The following GNB5 variants were observed in gnomAD, a reference collection of about 807,000 sequenced individuals.
GNB5 encodes the protein guanine nucleotide-binding protein subunit beta-5.
In GNB5, 37 loss-of-function variants were observed where a neutral mutation model predicts 55.3. The observed-to-expected ratio is 0.67, with a 90% confidence interval of 0.51 to 0.88. GNB5 has a LOEUF of 0.88. Ranked by LOEUF, GNB5 falls within the 40% of genes least tolerant of loss-of-function variation. The pLI, the probability that GNB5 is intolerant of heterozygous loss-of-function variation, is 0.00. For missense variants in GNB5, 476 were observed against 515.3 expected (o/e 0.92, Z 0.74); for synonymous variants, 219 against 198.5 (o/e 1.10, Z -0.87).
At chr15:52,163,124 T>G (rs77714403) in intron 3 of GNB5, among the ~76,000 whole-genome samples, 2 of 152,186 alleles carry the variant, frequency 1.3e-5, no homozygotes, top group East Asian at 3.9e-4. Flanking sequence ...CGGTGAGTGA[T>G]TGTGAGACCA....
chr15:52,162,246 T>C (rs904934901), intron 3 of GNB5, among the ~76,000 whole-genome samples: 1 of 152,234 alleles, frequency 6.6e-6, no homozygotes, highest in Non-Finnish European at 1.5e-5. Flanking sequence ...CTTGGAAATA[T>C]AATTCTGGCA....
rs562872946 is a variant in GNB5, at chr15:52,155,089, C to T, written c.239-1013G>A. Among the ~76,000 whole-genome samples, 16 of 152,352 alleles carry T rather than the reference C, an allele frequency of 1.1e-4. 1 individual carries two copies. In the East Asian group the frequency reaches 2.7e-3, roughly 26 times the overall value. ...GATCCCATGGCCACTCTCCACTTCC[C>T]TCTCTTGTTGGTAGCTATGTGAGAA... On this transcript the variant is annotated intron_variant, in intron 3 of 12. Coordinates refer to ENST00000261837, the MANE Select transcript of GNB5 (RefSeq NM_016194.4).
At position 52,118,190 on chromosome 15, in the gene GNB5, C is replaced by T. The variant is rs1031743122; in HGVS notation, c.*4567G>A. The T allele has an allele frequency of 6.6e-6, 1 of 152,354 alleles. No individual in the cohort carries two copies. Among genetic ancestry groups the T allele is most frequent in the African/African-American group, 2.4e-5 (1 of 41,454 alleles). The allele number at this position is 152,354 out of a possible 1,614,324, so 9.4% of individuals were successfully genotyped here. A position where few individuals can be genotyped will look rare whatever the true frequency, so the allele number is the denominator to read the frequency against. On this transcript the variant is annotated 3_prime_UTR_variant, in exon 13 of 13. Transcript: ENST00000261837. ...TCCTGTCACCTCTTTCTTTGCCAAG[C>T]TCTTCCAAGGCCCTTAGTGGTTTCT...
chr15:52,161,037 G>C (rs2141222370), intron 3 of GNB5, among the ~76,000 whole-genome samples: 1 of 152,238 alleles, frequency 6.6e-6, no homozygotes, highest in East Asian at 1.9e-4. Flanking sequence ...GTGTCTCCTG[G>C]GTGACGGGCA....
chr15:52,142,392 T>C (rs2033875535), intron 6 of GNB5, among the ~76,000 whole-genome samples: 1 of 152,222 alleles, frequency 6.6e-6, no homozygotes, highest in South Asian at 2.1e-4. Context: ...GATAATGTCT[T>C]CCGTATTTAT....
At chr15:52,167,676 AAAAAAAGAAAAG>A (rs1389760151) in intron 3 of GNB5, among the ~76,000 whole-genome samples, 6 of 152,118 alleles carry the variant, frequency 3.9e-5, no homozygotes, top group African/African-American at 1.4e-4. Flanking sequence ...CATTTCAAAA[AAAAAAAGAAAAG>A]AAAAAAGAAA....
chr15:52,117,750 C>G lies in GNB5; in HGVS notation c.*5007G>C, dbSNP rs1012546493. 1 of 152,516 alleles carries G rather than the reference C, an allele frequency of 6.6e-6. No individual in the cohort carries two copies. The highest frequency in any genetic ancestry group is 6.5e-5 in the Admixed American group (1 of 15,312). The allele number at this position is 152,516 out of a possible 1,614,324, so 9.4% of individuals were successfully genotyped here. On this transcript the variant is annotated 3_prime_UTR_variant, in exon 13 of 13. Coordinates refer to ENST00000261837, the MANE Select transcript of GNB5 (RefSeq NM_016194.4). ...CATGGCAATCCTTACAAAGGATCCA[C>G]AGAGACAAGATTCACTCGCGGCCTC... is the stretch of plus-strand genomic sequence containing the variant.
chr15:52,186,119 AAAAT>A (rs2034842631), intron 1 of GNB5, among the ~76,000 whole-genome samples: 1 of 152,180 alleles, frequency 6.6e-6, no homozygotes, highest in African/African-American at 2.4e-5. Context: ...AAGTAGCTAA[AAAAT>A]AACCTAATAA....
At chr15:52,126,613 T>C (rs2033437719) in intron 10 of GNB5, among the ~76,000 whole-genome samples, 1 of 152,078 alleles carries the variant, frequency 6.6e-6, no homozygotes, top group Non-Finnish European at 1.5e-5. Flanking sequence ...CCAAACCCTG[T>C]TGTTTTGGTT....
chr15:52,191,022 G>A (rs188095498), intron 1 of GNB5, among the ~76,000 whole-genome samples: 1 of 152,136 alleles, frequency 6.6e-6, no homozygotes, highest in East Asian at 1.9e-4. Flanking sequence ...GTGTCACCTG[G>A]ATCAAATTTT....
intron 9 of GNB5, among the ~76,000 whole-genome samples, chr15:52,131,550 T>C (rs970139686): frequency 6.6e-6 from 1 of 152,210 alleles, no homozygotes; most frequent in Non-Finnish European, 1.5e-5. Context: ...ACACAGGGGC[T>C]TATTTTTGTG....
In GNB5 at chr15:52,117,224, CCA is replaced by C. The variant is rs1319381489; in HGVS notation, c.*5531_*5532del. The stretch of plus-strand genomic sequence containing the variant: ...GGATTACAGGCGTGAGCCACCGCGC[CCA>C]GTCACCTTTGTTTTTCTTTACCTCC... On this transcript the variant is annotated 3_prime_UTR_variant, in exon 13 of 13. Coordinates refer to ENST00000261837, the MANE Select transcript of GNB5 (RefSeq NM_016194.4). 3 of 151,376 alleles carry C rather than the reference CCA, an allele frequency of 2.0e-5. No homozygotes were observed. Among genetic ancestry groups the C allele is most frequent in the South Asian group, 4.2e-4 (2 of 4,758 alleles). The allele number at this position is 151,376 out of a possible 1,614,324, so 9.4% of individuals were successfully genotyped here. A position where few individuals can be genotyped will look rare whatever the true frequency, so the allele number is the denominator to read the frequency against.
Position 52,191,357 on chromosome 15 carries a change from G to A in GNB5, c.-54C>T, listed in dbSNP as rs2034925776. 6.6e-6 allele frequency: 1 copy of A among 152,334 alleles called. No individual in the cohort carries two copies. Among genetic ancestry groups the A allele is most frequent in the East Asian group, 1.9e-4 (1 of 5,206 alleles). The allele number at this position is 152,334 out of a possible 1,614,324, so 9.4% of individuals were successfully genotyped here. On this transcript the variant is annotated 5_prime_UTR_variant, in exon 1 of 13. Coordinates refer to ENST00000261837, the MANE Select transcript of GNB5 (RefSeq NM_016194.4). ...CAGCACTGGGAGCCACAGAGCAGAT[G>A]GTGAGAGGTGAGGACCAGCGCGCAG...
chr15:52,148,557 G>A (rs991022674), intron 5 of GNB5, among the ~76,000 whole-genome samples: 7 of 152,218 alleles, frequency 4.6e-5, no homozygotes, highest in African/African-American at 1.4e-4. Context: ...GCTCAGATGT[G>A]TTGGAAACAT....
At chr15:52,147,350 A>G in intron 6 of GNB5, 109 bp downstream of exon 6, 2 of 757,626 alleles carry the variant, frequency 2.6e-6, no homozygotes, top group South Asian at 2.7e-5. Context: ...GCATACTGCT[A>G]AACAATTAAA....
At chr15:52,135,576 A>AC (rs2033680953) in intron 8 of GNB5, 37 bp downstream of exon 8, 1 of 1,593,870 alleles carries the variant, frequency 6.3e-7, no homozygotes, top group Non-Finnish European at 8.6e-7. Flanking sequence ...TCCTTAGTGG[A>AC]CACAGGAGCC....
intron 4 of GNB5, 135 bp from the exon 5 acceptor site, chr15:52,150,060 C>G: frequency 1.5e-6 from 1 of 676,832 alleles, no homozygotes; most frequent in South Asian, 1.8e-5. Context: ...TAATCAAGAC[C>G]CCCTAATCTA....
chr15:52,190,697 C>G (rs2034909856), intron 1 of GNB5, among the ~76,000 whole-genome samples: 1 of 143,772 alleles, frequency 7.0e-6, no homozygotes, highest in Non-Finnish European at 1.5e-5. Flanking sequence ...GTAGGAGCTA[C>G]TAAAGTGAAA....
At chr15:52,176,756 G>T (rs1052457064) in intron 3 of GNB5, among the ~76,000 whole-genome samples, 1 of 152,146 alleles carries the variant, frequency 6.6e-6, no homozygotes, top group Non-Finnish European at 1.5e-5. Context: ...AAGCTGTCTT[G>T]TTCTGCCACA....
Sources: gnomAD v4.1 joint callset for allele counts (sites outside exome capture counted in the v4.1 genomes callset) on GRCh38, gnomAD v4.1.1 for gene constraint, MANE v1.5 for transcripts, NCBI Gene and HGNC (gene_info 2026-07-23, HGNC 2026-07-21) for gene names.